The following BRWD1 variants were observed in gnomAD, a reference collection of about 807,000 sequenced individuals.
BRWD1 encodes bromodomain and WD repeat-containing protein 1.
BRWD1 carries 82 observed loss-of-function variants against 251.2 expected under a neutral mutation model. That is an observed-to-expected ratio of 0.33 (90% CI 0.27 to 0.39). BRWD1 has a LOEUF of 0.39. Ranked by LOEUF, BRWD1 falls within the 10% of genes least tolerant of loss-of-function variation. BRWD1 has a pLI of 1.00. For synonymous variants in BRWD1, 918 were observed against 902.8 expected (o/e 1.02, Z -0.30); for missense variants, 2,233 against 2,711.6 (o/e 0.82, Z 3.92).
chr21:39,258,381 T>A, intron 18 of BRWD1, 106 bp downstream of exon 18: 4 of 978,868 alleles, frequency 4.1e-6, no homozygotes, highest in Non-Finnish European at 5.8e-6. Flanking sequence ...TAAAAATACA[T>A]TGTTTACTTA....
In BRWD1 at chr21:39,190,470, G is replaced by A. The variant is rs374096616; in HGVS notation, c.*5789C>T. Reference sequence around the variant, plus strand: ...AAACTCCTAGAATCTTGACATTATTGGTTGCTGTGGTTGGTGGATAAATCA... The same window carrying A: ...AAACTCCTAGAATCTTGACATTATTAGTTGCTGTGGTTGGTGGATAAATCA... On this transcript the variant is annotated 3_prime_UTR_variant, in exon 41 of 41. Transcript: ENST00000342449. 1.2e-4 allele frequency: 117 copies of A among 985,246 alleles called. No homozygotes were observed. The African/African-American group carries it at 1.9e-3, about 16-fold the overall frequency. 61.0% of individuals were successfully genotyped at this position (985,246 alleles called of 1,614,324 possible). A position where few individuals can be genotyped will look rare whatever the true frequency, so the allele number is the denominator to read the frequency against.
chr21:39,217,068 TATATATA>T (rs2032964574), intron 31 of BRWD1: 2 of 11,300 alleles, frequency 1.8e-4, no homozygotes, highest in African/African-American at 3.5e-4. Flanking sequence ...TATATATATA[TATATATA>T]TATATATATT....
chr21:39,221,333 G>T (rs546109208), intron 29 of BRWD1, among the ~76,000 whole-genome samples: 1 of 151,990 alleles, frequency 6.6e-6, no homozygotes, highest in Non-Finnish European at 1.5e-5. Flanking sequence ...AATATGTGAT[G>T]TAGTTATATG....
In BRWD1 at chr21:39,196,085, A is replaced by G; in HGVS notation, c.*174T>C. The stretch of plus-strand genomic sequence containing the variant: ...GCACCTGTGCTGAATGCTGCTACAA[A>G]GACCAGCAAGTGCAAATAAAAATAA... On this transcript the variant is annotated 3_prime_UTR_variant, in exon 41 of 41. Transcript: ENST00000342449. 1 of 1,370,676 alleles carries G rather than the reference A, an allele frequency of 7.3e-7. No homozygotes were observed. The highest frequency in any genetic ancestry group is 2.8e-5 in the East Asian group (1 of 35,886). The allele number at this position is 1,370,676 out of a possible 1,614,324, so 84.9% of individuals were successfully genotyped here.
intron 36 of BRWD1, 24 bp from the exon 37 acceptor site, chr21:39,206,298 A>G (rs771145883): frequency 9.4e-6 from 14 of 1,488,892 alleles, no homozygotes; most frequent in Non-Finnish European, 1.3e-5. Flanking sequence ...AAAACAAAGT[A>G]GAATTACAAA....
At chr21:39,305,249 A>G (rs756153493) in intron 4 of BRWD1, among the ~76,000 whole-genome samples, 2 of 152,244 alleles carry the variant, frequency 1.3e-5, no homozygotes, top group African/African-American at 2.4e-5. Context: ...GTGAGCCACC[A>G]CATCTGGCCG....
chr21:39,189,879 G>A lies in BRWD1; in HGVS notation c.*6380C>T, dbSNP rs758434096. 1 of 985,348 alleles carries A rather than the reference G, an allele frequency of 1.0e-6. No individual in the cohort carries two copies. The highest frequency in any genetic ancestry group is 1.2e-6 in the Non-Finnish European group (1 of 829,884). The allele number at this position is 985,348 out of a possible 1,614,324, so 61.0% of individuals were successfully genotyped here. The stretch of plus-strand genomic sequence containing the variant: ...CTGCTCTAACAATGCATTTGTGATG[G>A]TGCCATGTGATACTAAGAAGTCAGT... On this transcript the variant is annotated 3_prime_UTR_variant, in exon 41 of 41. Transcript: ENST00000342449.
In BRWD1 at chr21:39,190,276, A is replaced by G; in HGVS notation, c.*5983T>C. 1.0e-6 allele frequency: 1 copy of G among 984,312 alleles called. No individual in the cohort carries two copies. The highest frequency in any genetic ancestry group is 6.2e-5 in the Admixed American group (1 of 16,254). 61.0% of individuals were successfully genotyped at this position (984,312 alleles called of 1,614,324 possible). A position where few individuals can be genotyped will look rare whatever the true frequency, so the allele number is the denominator to read the frequency against. On this transcript the variant is annotated 3_prime_UTR_variant, in exon 41 of 41. Transcript: ENST00000342449. ...ACCTTATTTACAGATTCTGCACAATATTTCATCATACAAAACTGTTTTCCT... is the reference window on the plus strand; with the variant it reads ...ACCTTATTTACAGATTCTGCACAATGTTTCATCATACAAAACTGTTTTCCT...
At chr21:39,216,366 AAT>A (rs931189555) in intron 31 of BRWD1, among the ~76,000 whole-genome samples, 4 of 151,876 alleles carry the variant, frequency 2.6e-5, no homozygotes, top group African/African-American at 9.7e-5. Context: ...AAAGAAAAAA[AAT>A]AAAGTTATCT....
rs572026838 is a variant in BRWD1 at position 39,218,762 on chromosome 21, C to T, written c.3383-102G>A. On this transcript the variant is annotated intron_variant, in intron 29 of 40. Transcript: ENST00000342449. ...TTCATAGCTTATAAAACTAGGTTAT[C>T]TCCACAGTCAAAAATAGAGTTCAAA... is the stretch of plus-strand genomic sequence containing the variant. The T allele has an allele frequency of 8.7e-6, 8 of 922,424 alleles. No individual in the cohort carries two copies. In the South Asian group the frequency reaches 1.5e-4, roughly 18 times the overall value. The allele number at this position is 922,424 out of a possible 1,614,324, so 57.1% of individuals were successfully genotyped here. A position where few individuals can be genotyped will look rare whatever the true frequency, so the allele number is the denominator to read the frequency against.
In BRWD1 at chr21:39,196,676, C is replaced by G; in HGVS notation, c.6393G>C (p.Ser2131=). 6.2e-7 allele frequency: 1 copy of G among 1,613,906 alleles called. No homozygotes were observed. Residue 2131 remains serine (S), a synonymous_variant, in exon 41 of 41, where the codon TCG becomes TCC. Coordinates refer to ENST00000342449, the MANE Select transcript of BRWD1 (RefSeq NM_033656.4). ...TTTTCACATTTTCCAATTCAGGATG[C>G]GATCTCTTCCTTTTTACTTCCTTCT... is the stretch of plus-strand genomic sequence containing the variant. ...TAEKEVKRKR[S]HPELENVKIS...
intron 5 of BRWD1, chr21:39,297,716 A>C: frequency 3.1e-6 from 1 of 325,790 alleles, no homozygotes; most frequent in Non-Finnish European, 4.4e-6. Flanking sequence ...TGGTGCAGCT[A>C]AGAGTAGCAT....
At chr21:39,318,299 T>G (rs898910299), upstream of BRWD1, among the ~76,000 whole-genome samples, 21 of 152,234 alleles carry the variant, frequency 1.4e-4, no homozygotes, top group African/African-American at 4.3e-4. Context: ...TAGAGTCCAT[T>G]TCAAAAGACT....
rs777576219 is a variant in BRWD1, at chr21:39,247,744, C to A, written c.2438G>T (p.Arg813Leu). ...PNYGRRNRSW[R>L]ELSSGNESSS... is the part of the protein sequence containing the mutation. Reference sequence around the variant, plus strand: ...AGACTCATTTCCAGAAGATAACTCACGCCAGCTACGATTTCTTCTACCATA... The same window carrying A: ...AGACTCATTTCCAGAAGATAACTCAAGCCAGCTACGATTTCTTCTACCATA... The change falls in exon 21 of 41, where the codon CGT (arginine) becomes CTT (leucine). Residue 813 changes from arginine to leucine, a missense_variant. Around this residue, in one of 12 missense-constraint regions of BRWD1, gnomAD observed 214 missense variants for 222.0 expected, o/e 0.96. Transcript: ENST00000342449. 1.2e-6 allele frequency: 2 copies of A among 1,613,552 alleles called. No individual in the cohort carries two copies. Among genetic ancestry groups the A allele is most frequent in the East Asian group, 2.2e-5 (1 of 44,820 alleles).
intron 4 of BRWD1, among the ~76,000 whole-genome samples, chr21:39,311,107 AAAC>A (rs2036468253): frequency 1.3e-5 from 2 of 152,138 alleles, no homozygotes; most frequent in African/African-American, 4.8e-5. Context: ...AAGTGATTTT[AAAC>A]AATAGTAAGT....
Position 39,203,434 on chromosome 21 carries a change from GGTTCTTTTT to G in BRWD1, c.4365-898_4365-890del, listed in dbSNP as rs1487233483. 1.1e-4 allele frequency among the ~76,000 whole-genome samples: 7 copies of G among 64,296 alleles called. 1 individual carries two copies. The highest frequency in any genetic ancestry group is 3.4e-4 in the Admixed American group (2 of 5,840). The allele number at this position is 64,296 out of a possible 152,430, so 42.2% of individuals were successfully genotyped here. ...AGCCTGGGCAACAGAGCAAGACCCTGGTTCTTTTTTTTTTTTTTTTTTTTTTTTGAGACA... is the reference window on the plus strand; with the variant it reads ...AGCCTGGGCAACAGAGCAAGACCCTGTTTTTTTTTTTTTTTTTTTGAGACA... On this transcript the variant is annotated intron_variant, in intron 37 of 40. Transcript: ENST00000342449.
rs1017481119 is a variant in BRWD1 at position 39,186,244 on chromosome 21, A to G, written c.*10015T>C. 4 of 152,220 alleles carry G rather than the reference A, an allele frequency of 2.6e-5. No individual in the cohort carries two copies. Among genetic ancestry groups the G allele is most frequent in the African/African-American group, 9.6e-5 (4 of 41,456 alleles). The allele number at this position is 152,220 out of a possible 1,614,324, so 9.4% of individuals were successfully genotyped here. A position where few individuals can be genotyped will look rare whatever the true frequency, so the allele number is the denominator to read the frequency against. On this transcript the variant is annotated 3_prime_UTR_variant, in exon 41 of 41. Transcript: ENST00000342449. ...TTTTGGCATTTCTGTAAATGCTGCT[A>G]CATACAAGTAAAAATAAGGAAAAGC...
intron 31 of BRWD1, among the ~76,000 whole-genome samples, chr21:39,216,131 T>C (rs1346465704): frequency 3.3e-5 from 5 of 152,246 alleles, no homozygotes; most frequent in African/African-American, 9.6e-5. Flanking sequence ...GGACTCAAGA[T>C]GACTTTTTAT....
At chr21:39,222,828 A>T (rs1464568344) in intron 29 of BRWD1, among the ~76,000 whole-genome samples, 1 of 152,206 alleles carries the variant, frequency 6.6e-6, no homozygotes, top group Non-Finnish European at 1.5e-5. Context: ...CACTAATTAT[A>T]ATGGAAAAAG....
Sources: gnomAD v4.1 joint callset for allele counts (sites outside exome capture counted in the v4.1 genomes callset) on GRCh38, gnomAD v4.1.1 for gene constraint, gnomAD v4.1.1 regional missense constraint, MANE v1.5 for transcripts, NCBI Gene and HGNC (gene_info 2026-07-23, HGNC 2026-07-21) for gene names.